TNKS1BP1: variants seen among roughly 807,000 people sequenced by gnomAD.
The protein encoded by TNKS1BP1 is CCR4-NOT transcription complex subunit 12, also known as 182 kDa tankyrase-1-binding protein.
TNKS1BP1 carries 48 observed loss-of-function variants against 141.1 expected under a neutral mutation model. The ratio of observed to expected loss-of-function variants is 0.34; its 90% CI spans 0.27 to 0.43. TNKS1BP1 has a LOEUF of 0.43. TNKS1BP1 is among the 20% of genes least tolerant of loss of function. The pLI, the probability that TNKS1BP1 is intolerant of heterozygous loss-of-function variation, is 1.00. For missense variants in TNKS1BP1, 2,149 were observed against 2,226.0 expected, an observed-to-expected ratio of 0.97 and a Z score of 0.70; for synonymous variants, 875 against 898.2, an observed-to-expected ratio of 0.97 and a Z score of 0.46.
intron 3 of TNKS1BP1, among the ~76,000 whole-genome samples, chr11:57,318,637 C>T (rs1855833078): frequency 6.6e-6 from 1 of 152,248 alleles, no homozygotes; most frequent in Admixed American, 6.5e-5. Flanking sequence ...ATACCTCAAG[C>T]TGGCTCTCCC....
chr11:57,322,038 G>A (rs898016810), intron 1 of TNKS1BP1, 88 bp from the exon 2 acceptor site: 35 of 1,168,236 alleles, frequency 3.0e-5, no homozygotes, highest in Middle Eastern at 6.2e-4. Flanking sequence ...TCTAACAGAG[G>A]CAGAGTGTGG....
chr11:57,322,033 C>A, intron 1 of TNKS1BP1, 83 bp from the exon 2 acceptor site: 3 of 1,139,468 alleles, frequency 2.6e-6, no homozygotes, highest in Admixed American at 3.4e-5. Context: ...CTATTTCTAA[C>A]AGAGGCAGAG....
At position 57,312,751 on chromosome 11, in the gene TNKS1BP1, A is replaced by G. The variant is rs1241008274; in HGVS notation, c.1937T>C (p.Val646Ala). ...GGCTAGGGTCACGGCCTCCTCCTCA[A>G]CAGGCAGTGCCTGTCCAGGCTCAGG... ...DAPEPGQALPVEEEAVTLARA... is the reference protein window; with the variant it reads ...DAPEPGQALPAEEEAVTLARA... The change falls in exon 5 of 12, where the codon GTT becomes GCT. Residue 646 changes from valine to alanine, a missense_variant. Val to Ala is a moderately conservative substitution (Grantham distance 64). Transcript: ENST00000358252. 4 of 1,593,982 alleles carry G rather than the reference A, an allele frequency of 2.5e-6. No individual in the cohort carries two copies. Among genetic ancestry groups the G allele is most frequent in the South Asian group, 2.3e-5 (2 of 88,034 alleles).
Position 57,308,624 on chromosome 11 carries a change from T to C in TNKS1BP1, c.4087A>G (p.Arg1363Gly), listed in dbSNP as rs1371536817. 2.6e-6 allele frequency: 4 copies of C among 1,536,520 alleles called. No homozygotes were observed. The Admixed American group carries it at 7.0e-5, about 27-fold the overall frequency. ...VELFGAPSEA[R>G]EHGVGGVSQC... ...CTCACCCCGCCCACCCCATGCTCCC[T>C]GGCTTCACTTGGAGCCCCAAAGAGC... Residue 1363 changes from arginine (R) to glycine (G), a missense_variant, in exon 6 of 12, where the codon AGG becomes GGG. Transcript: ENST00000358252.
chr11:57,322,027 T>A, intron 1 of TNKS1BP1, 77 bp from the exon 2 acceptor site: 3 of 1,308,738 alleles, frequency 2.3e-6, no homozygotes, highest in Non-Finnish European at 3.0e-6. Context: ...AGTCTCCTAT[T>A]TCTAACAGAG....
chr11:57,302,714 CGAG>C lies in TNKS1BP1; in HGVS notation c.4425_4427del (p.Ser1476del). 1 of 1,600,158 alleles carries C rather than the reference CGAG, an allele frequency of 6.2e-7. No individual in the cohort carries two copies. The highest frequency in any genetic ancestry group is 1.1e-5 in the South Asian group (1 of 89,774). ...CCTCCTCCAACAGGCCCCCAAGGCC[CGAG>C]GCCGCTGACTCCCTCCGAGCCACCG... On this transcript the variant is annotated inframe_deletion, in exon 7 of 12. Transcript: ENST00000358252. This position sits in a 1 kb window ranked among gnomAD's most constrained non-coding sequence, Gnocchi z 5.5.
intron 5 of TNKS1BP1, chr11:57,311,362 A>G (rs540320518): frequency 7.1e-6 from 7 of 985,730 alleles, no homozygotes; most frequent in East Asian, 2.3e-4. Flanking sequence ...AGGCTGGGCC[A>G]TGGCCCCCCG....
Position 57,309,047 on chromosome 11 carries a change from C to T in TNKS1BP1, c.3664G>A (p.Val1222Ile), listed in dbSNP as rs1315851043. Residue 1222 changes from valine (V) to isoleucine (I), a missense_variant, in exon 6 of 12, where the codon GTT becomes ATT. By Grantham distance (29) the Val-to-Ile change is conservative (BLOSUM62 3). Transcript: ENST00000358252. The surrounding 1 kb of genome is among the most constrained non-coding windows in gnomAD (Gnocchi z 4.3). ...GGSEEPGGIG[V>I]GEKDWTSDVN... ...TCAGAAGTCCAGTCCTTCTCCCCAA[C>T]TCCGATTCCCCCCGGCTCTTCAGAC... 4 of 1,614,100 alleles carry T rather than the reference C, an allele frequency of 2.5e-6. No individual in the cohort carries two copies. In the African/African-American group the frequency reaches 5.3e-5, roughly 22 times the overall value.
intron 1 of TNKS1BP1, among the ~76,000 whole-genome samples, chr11:57,323,711 G>A (rs1855919017): frequency 6.6e-6 from 1 of 152,214 alleles, no homozygotes; most frequent in Non-Finnish European, 1.5e-5. Flanking sequence ...ACTGTGCAGA[G>A]CCAGGCCAAG....
chr11:57,321,743 T>TGGGGGGG, intron 2 of TNKS1BP1, 49 bp downstream of exon 2: 8 of 1,186,766 alleles, frequency 6.7e-6, no homozygotes, highest in Non-Finnish European at 1.0e-5. Context: ...GCCTCTGTCC[T>TGGGGGGG]TCCCACCCCC....
rs750093490 is a variant in TNKS1BP1, at chr11:57,313,246, G to A, written c.1442C>T (p.Pro481Leu). 2.5e-5 allele frequency: 40 copies of A among 1,612,788 alleles called. No individual in the cohort carries two copies. Among genetic ancestry groups the A allele is most frequent in the Non-Finnish European group, 3.1e-5 (36 of 1,180,012 alleles). Residue 481 changes from proline (P) to leucine (L), a missense_variant, in exon 5 of 12, where the codon CCC becomes CTC. Physicochemically the swap from Pro to Leu is moderately conservative, Grantham distance 98 (BLOSUM62 -3). Transcript: ENST00000358252. Reference protein sequence around the residue: ...SLSQSFEWTFPTRPSGLGVWR... With the variant: ...SLSQSFEWTFLTRPSGLGVWR... ...CACGCCCAGACCCGAGGGCCTCGTG[G>A]GGAAGGTCCATTCGAAGGACTGTGA...
chr11:57,302,994 C>T lies in TNKS1BP1; in HGVS notation c.4317-169G>A. 1.3e-6 allele frequency: 1 copy of T among 769,068 alleles called. No homozygotes were observed. The highest frequency in any genetic ancestry group is 1.9e-6 in the Non-Finnish European group (1 of 524,064). The allele number at this position is 769,068 out of a possible 1,614,324, so 47.6% of individuals were successfully genotyped here. On this transcript the variant is annotated intron_variant, in intron 6 of 11. Coordinates refer to ENST00000358252, the MANE Select transcript of TNKS1BP1 (RefSeq NM_033396.3). The surrounding 1 kb of genome is among the most constrained non-coding windows in gnomAD (Gnocchi z 5.5). ...TCAGGGCCTTGAGCAACACAGCACACAGGTGAAGAGCTGAGCCAGTCTGGC... is the reference window on the plus strand; with the variant it reads ...TCAGGGCCTTGAGCAACACAGCACATAGGTGAAGAGCTGAGCCAGTCTGGC...
At chr11:57,314,254 T>C (rs1459551344) in intron 4 of TNKS1BP1, among the ~76,000 whole-genome samples, 4 of 152,204 alleles carry the variant, frequency 2.6e-5, no homozygotes, top group Admixed American at 6.5e-5. Context: ...AAAAGGAACA[T>C]TGTGAATCTG....
At chr11:57,321,685 T>G in intron 2 of TNKS1BP1, 107 bp downstream of exon 2, 2 of 1,327,586 alleles carry the variant, frequency 1.5e-6, no homozygotes, top group Non-Finnish European at 1.0e-6. Flanking sequence ...CTTCCCTATC[T>G]CAACAGAATC....
chr11:57,322,731 G>A (rs150577776), intron 1 of TNKS1BP1, among the ~76,000 whole-genome samples: 92 of 152,268 alleles, frequency 6.0e-4, no homozygotes, highest in East Asian at 1.2e-3. Context: ...CTGGGAGAAC[G>A]GGACAGGGCT....
intron 9 of TNKS1BP1, 69 bp downstream of exon 9, chr11:57,301,738 G>T (rs1855527032): frequency 1.9e-6 from 3 of 1,564,612 alleles, no homozygotes; most frequent in Non-Finnish European, 2.6e-6. Context: ...ATGAAGAGAA[G>T]AAAGACAGCA....
chr11:57,300,667 G>T, intron 10 of TNKS1BP1, 67 bp from the exon 11 acceptor site: 1 of 1,601,770 alleles, frequency 6.2e-7, no homozygotes, highest in Non-Finnish European at 8.6e-7. Flanking sequence ...AAGGAGACGT[G>T]ATAGGGACAG....
chr11:57,324,119 A>C (rs1855926191), intron 1 of TNKS1BP1, among the ~76,000 whole-genome samples: 1 of 152,208 alleles, frequency 6.6e-6, no homozygotes, highest in Admixed American at 6.5e-5. Context: ...AGGCCTCCAG[A>C]AGGGCTGGGC....
At position 57,309,833 on chromosome 11, in the gene TNKS1BP1, C is replaced by A. The variant is rs1855676543; in HGVS notation, c.2878G>T (p.Asp960Tyr). 6.2e-7 allele frequency: 1 copy of A among 1,614,194 alleles called. No individual in the cohort carries two copies. The highest frequency in any genetic ancestry group is 1.1e-5 in the South Asian group (1 of 91,078). Residue 960 changes from aspartate (D) to tyrosine (Y), a missense_variant, in exon 6 of 12, where the codon GAC (aspartate) becomes TAC (tyrosine). Transcript: ENST00000358252. This position sits in a 1 kb window ranked among gnomAD's most constrained non-coding sequence, Gnocchi z 4.3. The part of the protein sequence containing the change: ...QEFGKSAWIR[D>Y]YSSGGSSRTL... ...CTGGAGCTGCCACCACTGCTGTAGTCCCTTATCCAAGCGCTCTTCCCAAAC... is the reference window on the plus strand; with the variant it reads ...CTGGAGCTGCCACCACTGCTGTAGTACCTTATCCAAGCGCTCTTCCCAAAC...
Sources: gnomAD v4.1 joint callset for allele counts (sites outside exome capture counted in the v4.1 genomes callset) on GRCh38, gnomAD v4.1.1 for gene constraint, Gnocchi (gnomAD v3.1) non-coding constraint, MANE v1.5 for transcripts, NCBI Gene and HGNC (gene_info 2026-07-23, HGNC 2026-07-21) for gene names.